TRAF1: variants seen among roughly 807,000 people sequenced by gnomAD.
TRAF1 encodes TNF receptor-associated factor 1.
Under a neutral mutation model 40.9 loss-of-function variants are expected in TRAF1, and 23 were observed. That is an observed-to-expected ratio of 0.56 (90% CI 0.40 to 0.80). The LOEUF is 0.80. TRAF1 is among the 30% of genes least tolerant of loss of function. The pLI is 0.00. For synonymous variants in TRAF1, 206 were observed against 218.8 expected (o/e 0.94, Z 0.52); for missense variants, 477 against 528.7 (o/e 0.90, Z 0.96).
At position 120,913,432 on chromosome 9, in the gene TRAF1, C is replaced by T; in HGVS notation, c.601G>A (p.Val201Ile). ...TCCACCTCCTTGTTGAGGACAGCAA[C>T]AATGTTCTCAAACACACGCAGCTTC... ...EGKLRVFENI[V>I]AVLNKEVEAS... is the part of the protein sequence containing the mutation. Residue 201 changes from valine (V) to isoleucine (I), a missense_variant, in exon 5 of 8, where the codon GTT (valine) becomes ATT (isoleucine). Coordinates refer to ENST00000373887, the MANE Select transcript of TRAF1 (RefSeq NM_005658.5). 6.2e-7 allele frequency: 1 copy of T among 1,613,962 alleles called. No homozygotes were observed. Among genetic ancestry groups the T allele is most frequent in the Non-Finnish European group, 8.5e-7 (1 of 1,180,030 alleles).
chr9:120,909,969 G>C (rs1436441754), intron 6 of TRAF1, among the ~76,000 whole-genome samples: 2 of 152,164 alleles, frequency 1.3e-5, no homozygotes, highest in Admixed American at 6.5e-5. Context: ...GGGGGTACAT[G>C]GGGTGACTCG....
chr9:120,911,904 AAG>A (rs1233148766), intron 5 of TRAF1, among the ~76,000 whole-genome samples: 1 of 152,106 alleles, frequency 6.6e-6, no homozygotes, highest in Non-Finnish European at 1.5e-5. Flanking sequence ...TGGTATGTAA[AAG>A]TAGAGCTGGG....
chr9:120,917,568 C>T (rs373382246), intron 3 of TRAF1, among the ~76,000 whole-genome samples: 1 of 152,180 alleles, frequency 6.6e-6, no homozygotes, highest in African/African-American at 2.4e-5. Flanking sequence ...GCTTTATTAT[C>T]GTACAGTTCT....
intron 5 of TRAF1, among the ~76,000 whole-genome samples, chr9:120,912,335 C>A (rs1045089519): frequency 3.9e-4 from 60 of 152,250 alleles, no homozygotes; most frequent in African/African-American, 1.4e-3. Context: ...GCAAAAGAAG[C>A]AACATTAGAA....
At position 120,904,827 on chromosome 9, in the gene TRAF1, C is replaced by T. The variant is rs1186142884; in HGVS notation, c.*193G>A. 6.4e-6 allele frequency: 4 copies of T among 628,784 alleles called. No individual in the cohort carries two copies. Among genetic ancestry groups the T allele is most frequent in the Non-Finnish European group, 8.2e-6 (3 of 364,052 alleles). 39.0% of individuals were successfully genotyped at this position (628,784 alleles called of 1,614,324 possible). A position where few individuals can be genotyped will look rare whatever the true frequency, so the allele number is the denominator to read the frequency against. On this transcript the variant is annotated 3_prime_UTR_variant, in exon 8 of 8. Transcript: ENST00000373887. The stretch of plus-strand genomic sequence containing the variant: ...GCCTGTCTCCTTCTGGACCCTTTGC[C>T]TTTGTGGGCCCAGCCCACGTCCTGC...
At chr9:120,923,902 C>G in intron 2 of TRAF1, 110 bp from the exon 3 acceptor site, 1 of 966,242 alleles carries the variant, frequency 1.0e-6, no homozygotes, top group Non-Finnish European at 1.6e-6. Flanking sequence ...TGATCATGTA[C>G]GTCCACAATC....
chr9:120,908,040 G>A (rs1212989104), intron 7 of TRAF1, among the ~76,000 whole-genome samples: 2 of 152,084 alleles, frequency 1.3e-5, no homozygotes, highest in Non-Finnish European at 2.9e-5. Flanking sequence ...CTACAGGCAT[G>A]TGCCACCACG....
intron 7 of TRAF1, among the ~76,000 whole-genome samples, 166 bp from the exon 8 acceptor site, chr9:120,905,404 G>T (rs1370892109): frequency 6.6e-6 from 1 of 152,222 alleles, no homozygotes; most frequent in East Asian, 1.9e-4. Flanking sequence ...GAGCGCACCT[G>T]GCGTATGGCC....
At chr9:120,909,056 T>C (rs1240948396) in intron 7 of TRAF1, among the ~76,000 whole-genome samples, 174 bp downstream of exon 7, 1 of 152,190 alleles carries the variant, frequency 6.6e-6, no homozygotes, top group Non-Finnish European at 1.5e-5. Flanking sequence ...CCTGGACTCA[T>C]GGAGCTGGAG....
At position 120,909,237 on chromosome 9, in the gene TRAF1, C is replaced by T. The variant is rs61749211; in HGVS notation, c.1025G>A (p.Arg342Gln). The change falls in exon 7 of 8, where the codon CGG (arginine) becomes CAG (glutamine). Residue 342 changes from arginine to glutamine, a missense_variant. Physicochemically the swap from Arg to Gln is conservative, Grantham distance 43 (BLOSUM62 1). Transcript: ENST00000373887. ...TCACCTTCACACCCATACCTTGTTC[C>T]GGAAGGGCCACGGCAGCAGCGCATC... is the stretch of plus-strand genomic sequence containing the variant. ...EYDALLPWPF[R>Q]NKVTFMLLDQ... 2.1e-3 allele frequency: 3,404 copies of T among 1,613,768 alleles called. 8 individuals are homozygous for T. The highest frequency in any genetic ancestry group is 2.0e-3 in the Non-Finnish European group (2,403 of 1,179,940).
At position 120,904,745 on chromosome 9, in the gene TRAF1, C is replaced by A. The variant is rs12379910; in HGVS notation, c.*275G>T. 7.0e-5 allele frequency: 33 copies of A among 473,744 alleles called. No individual in the cohort carries two copies. Among genetic ancestry groups the A allele is most frequent in the African/African-American group, 6.0e-4 (31 of 51,330 alleles). 29.3% of individuals were successfully genotyped at this position (473,744 alleles called of 1,614,324 possible). A position where few individuals can be genotyped will look rare whatever the true frequency, so the allele number is the denominator to read the frequency against. ...GAGAGTCCACCTCAACATTCGGGGC[C>A]GGAGTGGCTCACTGGCCTCCCAGTG... On this transcript the variant is annotated 3_prime_UTR_variant, in exon 8 of 8. Coordinates refer to ENST00000373887, the MANE Select transcript of TRAF1 (RefSeq NM_005658.5).
intron 3 of TRAF1, among the ~76,000 whole-genome samples, chr9:120,918,033 A>C (rs935270185): frequency 3.3e-5 from 5 of 152,212 alleles, no homozygotes; most frequent in Admixed American, 3.3e-4. Context: ...AATTTGAAGA[A>C]GGACCACATG....
chr9:120,913,806 CCTG>C lies in TRAF1; in HGVS notation c.295-71_295-69del, dbSNP rs998063000. On this transcript the variant is annotated intron_variant, in intron 4 of 7. Transcript: ENST00000373887. ...TGAGGACAGGGGAGCAGTGGAGTGC[CCTG>C]CTATCAAAGGTCACCAAGGATTATT... 9 of 1,473,642 alleles carry C rather than the reference CCTG, an allele frequency of 6.1e-6. No homozygotes were observed. In the Admixed American group the frequency reaches 9.1e-5, roughly 15 times the overall value. 91.3% of individuals were successfully genotyped at this position (1,473,642 alleles called of 1,614,324 possible). A position where few individuals can be genotyped will look rare whatever the true frequency, so the allele number is the denominator to read the frequency against.
At chr9:120,907,030 A>C (rs2046488302) in intron 7 of TRAF1, among the ~76,000 whole-genome samples, 1 of 152,112 alleles carries the variant, frequency 6.6e-6, no homozygotes, top group Non-Finnish European at 1.5e-5. Flanking sequence ...CACAATGCCC[A>C]GCTAATTTTT....
At chr9:120,907,738 C>G (rs1176720238) in intron 7 of TRAF1, among the ~76,000 whole-genome samples, 2 of 152,226 alleles carry the variant, frequency 1.3e-5, no homozygotes, top group Non-Finnish European at 2.9e-5. Context: ...TTCAGGCTAG[C>G]CTCACGGCAC....
intron 7 of TRAF1, among the ~76,000 whole-genome samples, chr9:120,908,811 C>T (rs10985087): frequency 0.69 from 104,364 of 151,992 alleles, 36,124 homozygotes; most frequent in South Asian, 0.82. Flanking sequence ...CCGCCCGCCT[C>T]GGCCTCCCAA....
intron 3 of TRAF1, among the ~76,000 whole-genome samples, chr9:120,916,795 C>A (rs987699817): frequency 4.6e-5 from 7 of 151,324 alleles, no homozygotes; most frequent in African/African-American, 1.7e-4. Context: ...GGCAGGGAGA[C>A]CGTGCTGGCT....
At chr9:120,914,114 C>A in intron 4 of TRAF1, 121 bp downstream of exon 4, 1 of 864,358 alleles carries the variant, frequency 1.2e-6, no homozygotes, top group South Asian at 3.1e-5. Flanking sequence ...GTCATTAGTA[C>A]AAAGGACATC....
intron 6 of TRAF1, 148 bp downstream of exon 6, chr9:120,911,188 C>T: frequency 3.3e-6 from 3 of 902,576 alleles, no homozygotes; most frequent in East Asian, 5.4e-5. Context: ...CAGCATGGTT[C>T]CTGCCCATGG....
Sources: gnomAD v4.1 joint callset for allele counts (sites outside exome capture counted in the v4.1 genomes callset) on GRCh38, gnomAD v4.1.1 for gene constraint, MANE v1.5 for transcripts, NCBI Gene and HGNC (gene_info 2026-07-23, HGNC 2026-07-21) for gene names.